Variants in LMLN observed in about 807,000 individuals in gnomAD.
LMLN encodes the protein leishmanolysin like peptidase.
Under a neutral mutation model 92.3 loss-of-function variants are expected in LMLN, and 70 were observed. That is an observed-to-expected ratio of 0.76 (90% confidence interval 0.63 to 0.92). LMLN has a LOEUF of 0.92. Ranked by LOEUF, LMLN falls within the 40% of genes least tolerant of loss-of-function variation. The probability of loss-of-function intolerance (pLI) is 0.00; values close to 1 mark genes in which losing one functional copy is unlikely to be tolerated. For missense variants in LMLN, 691 were observed against 814.6 expected (o/e 0.85, Z 1.85); for synonymous variants, 308 against 296.2 (o/e 1.04, Z -0.41).
At chr3:198,032,891 G>A (rs895031336) in intron 14 of LMLN, among the ~76,000 whole-genome samples, 1 of 152,208 alleles carries the variant, frequency 6.6e-6, no homozygotes, top group African/African-American at 2.4e-5. Context: ...GAATGCTGGC[G>A]TCTGTCTCTG....
At chr3:197,983,207 G>A (rs1165273598) in intron 6 of LMLN, among the ~76,000 whole-genome samples, 1 of 152,176 alleles carries the variant, frequency 6.6e-6, no homozygotes, top group Non-Finnish European at 1.5e-5. Context: ...ACTTTGATGA[G>A]GTTTGTGGTG....
At position 197,973,264 on chromosome 3, in the gene LMLN, C is replaced by T. The variant is rs1039577404; in HGVS notation, c.220-1113C>T. Among the ~76,000 whole-genome samples the T allele has an allele frequency of 2.5e-4, 37 of 147,598 alleles. 1 individual carries two copies. The highest frequency in any genetic ancestry group is 1.8e-3 in the Admixed American group (27 of 14,710). On this transcript the variant is annotated intron_variant, in intron 1 of 15. Transcript: ENST00000330198. Reference sequence around the variant, plus strand: ...TTCTGATTTTTTTTTTTTTTTGAGACGGAGTCTTGCTCTGTTGCCCAGGCT... The same window carrying T: ...TTCTGATTTTTTTTTTTTTTTGAGATGGAGTCTTGCTCTGTTGCCCAGGCT...
intron 15 of LMLN, chr3:198,038,282 C>G (rs1723290910): frequency 3.0e-6 from 1 of 334,370 alleles, no homozygotes; most frequent in Admixed American, 4.4e-5. Context: ...TCAGAATAAC[C>G]AAGATCTTTA....
chr3:198,043,383 A>C (rs567393818), exon 16 of LMLN: 1 of 152,826 alleles, frequency 6.5e-6, no homozygotes, highest in African/African-American at 2.4e-5. Context: ...CTCTCAGGGC[A>C]CATGAGTCGT....
At chr3:198,024,473 A>C (rs576747174) in intron 13 of LMLN, among the ~76,000 whole-genome samples, 185 bp from the exon 15 acceptor site, 10 of 152,230 alleles carry the variant, frequency 6.6e-5, no homozygotes, top group Admixed American at 3.3e-4. Context: ...CCTCAGCCTC[A>C]CAAAACCCTG....
At chr3:197,987,332 T>C (rs957321189) in intron 8 of LMLN, among the ~76,000 whole-genome samples, 1 of 151,932 alleles carries the variant, frequency 6.6e-6, no homozygotes, top group Non-Finnish European at 1.5e-5. Flanking sequence ...GCTGATTTTT[T>C]GTATTTTTAG....
chr3:198,023,233 A>G (rs1278415349), intron 13 of LMLN, among the ~76,000 whole-genome samples: 1 of 152,018 alleles, frequency 6.6e-6, no homozygotes, highest in Middle Eastern at 3.2e-3. Context: ...TCTGTCACCC[A>G]AGTTGGAGTG....
chr3:198,011,693 C>T (rs1234434666), intron 11 of LMLN, among the ~76,000 whole-genome samples: 9 of 151,372 alleles, frequency 5.9e-5, no homozygotes, highest in South Asian at 2.1e-4. Context: ...CCTGAGGAAT[C>T]GCCACACTGA....
chr3:197,995,427 A>G (rs1022737017), intron 9 of LMLN, among the ~76,000 whole-genome samples: 6 of 152,172 alleles, frequency 3.9e-5, no homozygotes, highest in African/African-American at 1.2e-4. Flanking sequence ...AAGGCGGGAA[A>G]TTTTGTCATT....
intron 14 of LMLN, among the ~76,000 whole-genome samples, chr3:198,033,782 T>C (rs1349541952): frequency 6.6e-6 from 1 of 152,244 alleles, no homozygotes; most frequent in Admixed American, 6.5e-5. Context: ...ACTTTTTTAG[T>C]GTCCTTTTCA....
intron 14 of LMLN, among the ~76,000 whole-genome samples, chr3:198,033,725 C>T (rs1363620464): frequency 1.3e-5 from 2 of 152,290 alleles, no homozygotes; most frequent in Admixed American, 1.3e-4. Flanking sequence ...ATATCCTACT[C>T]CTCTTTCCTC....
rs970369670 is a variant in LMLN, at chr3:198,031,877, G to T, written c.1657-3956G>T. Among the ~76,000 whole-genome samples, 1 of 151,960 alleles carries T rather than the reference G, an allele frequency of 6.6e-6. No homozygotes were observed. The highest frequency in any genetic ancestry group is 1.5e-5 in the Non-Finnish European group (1 of 67,996). On this transcript the variant is annotated intron_variant, in intron 14 of 15. Transcript: ENST00000330198. The surrounding 1 kb of genome is among the most constrained non-coding windows in gnomAD (Gnocchi z 4.8). ...AGCACTTTGGGAGCCCGAGACAGGC[G>T]GATCACTTGAGGTCAAGAGTTTGAA...
chr3:197,980,709 A>G (rs1721532642), intron 6 of LMLN: 1 of 442,496 alleles, frequency 2.3e-6, no homozygotes, highest in Non-Finnish European at 4.0e-6. Flanking sequence ...TTTTTAGTCA[A>G]AGTGAAAGAG....
At chr3:197,999,282 G>A in exon 11 of LMLN, 1 of 1,613,514 alleles carries the variant, frequency 6.2e-7, no homozygotes, top group Non-Finnish European at 8.5e-7. Flanking sequence ...GCGATGACTG[G>A]TTCTCACACT....
chr3:198,033,368 C>G (rs537865277), intron 14 of LMLN, among the ~76,000 whole-genome samples: 8 of 151,436 alleles, frequency 5.3e-5, no homozygotes, highest in Non-Finnish European at 1.0e-4. Flanking sequence ...TTTGCTTTTT[C>G]TTCTAATTTC....
intron 9 of LMLN, among the ~76,000 whole-genome samples, chr3:197,991,203 A>T (rs116497996): frequency 6.6e-6 from 1 of 150,840 alleles, no homozygotes; most frequent in Admixed American, 6.6e-5. Context: ...TCCTGCGCCA[A>T]AGTGATCCTC....
chr3:198,031,436 A>C lies in LMLN; in HGVS notation c.1657-4397A>C, dbSNP rs1463597556. On this transcript the variant is annotated intron_variant, in intron 14 of 15. Transcript: ENST00000330198. The surrounding 1 kb of genome is among the most constrained non-coding windows in gnomAD (Gnocchi z 4.8). ...AGTCTTGCTGGGTCTGCTGTGTTGA[A>C]GTCCCTTTAGCTGGAAACCTTTGTG... Among the ~76,000 whole-genome samples the C allele has an allele frequency of 6.6e-6, 1 of 152,166 alleles. No homozygotes were observed. The highest frequency in any genetic ancestry group is 2.4e-5 in the African/African-American group (1 of 41,446).
At chr3:198,034,856 T>G (rs1723169076) in intron 14 of LMLN, among the ~76,000 whole-genome samples, 2 of 152,186 alleles carry the variant, frequency 1.3e-5, no homozygotes, top group Admixed American at 6.5e-5. Flanking sequence ...TATAAATTCT[T>G]GTTTGTTTAT....
At chr3:197,995,422 G>A (rs1013093730) in intron 9 of LMLN, among the ~76,000 whole-genome samples, 27 of 152,088 alleles carry the variant, frequency 1.8e-4, no homozygotes, top group African/African-American at 5.8e-4. Flanking sequence ...TTAAAAAGGC[G>A]GGAAATTTTG....
Sources: allele counts gnomAD v4.1 joint callset (sites outside exome capture counted in the v4.1 genomes callset), GRCh38; gene constraint gnomAD v4.1.1; non-coding constraint Gnocchi (gnomAD v3.1); transcripts MANE v1.5; gene names NCBI Gene and HGNC (gene_info 2026-07-23, HGNC 2026-07-21).